Variants in SPTBN2 observed in about 807,000 individuals in gnomAD.
SPTBN2 encodes spectrin beta chain, non-erythrocytic 2.
A neutral mutation model predicts 284.2 loss-of-function variants in SPTBN2; 107 were observed. The observed-to-expected ratio is 0.38, with a 90% CI of 0.32 to 0.44. The LOEUF (loss-of-function observed/expected upper bound fraction) is 0.44, where lower values mean the gene tolerates loss of function less well. Among genes scored for constraint, SPTBN2 ranks in the 20% least tolerant of loss-of-function variants. SPTBN2 has a pLI of 1.00. For missense variants in SPTBN2, 2,569 were observed against 3,287.1 expected (o/e 0.78, Z 5.34); for synonymous variants, 1,289 against 1,354.8 (o/e 0.95, Z 1.07).
chr11:66,683,759 T>C lies in SPTBN2; in HGVS notation c.*2112A>G, dbSNP rs1266117255. Among the ~76,000 whole-genome samples the C allele has an allele frequency of 6.6e-6, 1 of 152,274 alleles. No homozygotes were observed. Among genetic ancestry groups the C allele is most frequent in the Admixed American group, 6.5e-5 (1 of 15,286 alleles). On this transcript the variant is annotated 3_prime_UTR_variant, in exon 38 of 38. Coordinates refer to ENST00000533211, the MANE Select transcript of SPTBN2 (RefSeq NM_006946.4). ...TATTAATTTCTCCATATACATTTCC[T>C]TCTGACATTTCCAATTATTGTTTCC... is the stretch of plus-strand genomic sequence containing the variant.
Position 66,700,538 on chromosome 11 carries a change from C to T in SPTBN2, c.3561G>A (p.Val1187=). 8 of 1,604,538 alleles carry T rather than the reference C, an allele frequency of 5.0e-6. No individual in the cohort carries two copies. The highest frequency in any genetic ancestry group is 1.7e-5 in the Admixed American group (1 of 60,018). The change falls in exon 17 of 38, where the codon GTG becomes GTA. Residue 1187 remains valine, a synonymous_variant. Transcript: ENST00000533211. The surrounding 1 kb of genome is among the most constrained non-coding windows in gnomAD (Gnocchi z 6.6). ...CCTGGACTTTCACCTGGCTGCTGAG[C>T]ACGCCCTCAGCCTGACGAGCATCCC... ...FLRDARQAEG[V]LSSQEYVLSH... is the part of the protein sequence containing the mutation.
chr11:66,686,168 G>T, intron 37 of SPTBN2, 64 bp from the exon 38 acceptor site: 1 of 1,514,730 alleles, frequency 6.6e-7, no homozygotes, highest in Non-Finnish European at 9.1e-7. Context: ...GCAGTGGACA[G>T]CAGGGAAGTG....
intron 1 of SPTBN2, among the ~76,000 whole-genome samples, chr11:66,726,771 G>A (rs1433628912): frequency 6.6e-6 from 1 of 152,182 alleles, no homozygotes; most frequent in Non-Finnish European, 1.5e-5. Context: ...ACAGTGAGAT[G>A]AATAATAGAT....
intron 1 of SPTBN2, among the ~76,000 whole-genome samples, chr11:66,723,678 T>A (rs1256886445): frequency 6.6e-6 from 1 of 152,224 alleles, no homozygotes; most frequent in African/African-American, 2.4e-5. Flanking sequence ...CTACGAGGCC[T>A]AGGACTCTTC....
Position 66,715,398 on chromosome 11 carries a change from G to A in SPTBN2, c.310-3C>T, listed in dbSNP as rs1942089988. On this transcript the variant is annotated splice_region_variant and splice_polypyrimidine_tract_variant and intron_variant, in intron 4 of 37. Transcript: ENST00000533211. This position sits in a 1 kb window ranked among gnomAD's most constrained non-coding sequence, Gnocchi z 5.3. Reference sequence around the variant, plus strand: ...ATGCGGCCCTTTGTAGGCTTTGGCTGTGGAGGGACGGGGGCAAAATGGCAC... The same window carrying A: ...ATGCGGCCCTTTGTAGGCTTTGGCTATGGAGGGACGGGGGCAAAATGGCAC... 1.2e-6 allele frequency: 2 copies of A among 1,608,782 alleles called. No individual in the cohort carries two copies. Among genetic ancestry groups the A allele is most frequent in the South Asian group, 1.1e-5 (1 of 90,780 alleles).
chr11:66,688,419 G>A lies in SPTBN2; in HGVS notation c.6232-108C>T, dbSNP rs1940301840. On this transcript the variant is annotated intron_variant, in intron 31 of 37. Transcript: ENST00000533211. The stretch of plus-strand genomic sequence containing the variant: ...TCTAATTTGATGAAATATGATAAGA[G>A]GAGAACAGAATTTGAGAAGATGGTG... 4 of 1,535,970 alleles carry A rather than the reference G, an allele frequency of 2.6e-6. No individual in the cohort carries two copies. The South Asian group carries it at 3.6e-5, about 14-fold the overall frequency.
Position 66,737,378 on chromosome 11 carries a change from G to A in SPTBN2, c.-475+7164C>T, listed in dbSNP as rs79781997. 6.0e-4 allele frequency among the ~76,000 whole-genome samples: 92 copies of A among 152,258 alleles called. 1 individual carries two copies. In the East Asian group the frequency reaches 0.014, roughly 24 times the overall value. On this transcript the variant is annotated intron_variant, in intron 1 of 37. Transcript: ENST00000611817. The stretch of plus-strand genomic sequence containing the variant: ...AACACAGCTAGCATACAAAGCACAG[G>A]ATATCTATAATACAATCATTCAGGC...
chr11:66,686,898 T>A, intron 36 of SPTBN2, 96 bp downstream of exon 36: 1 of 1,559,192 alleles, frequency 6.4e-7, no homozygotes, highest in East Asian at 2.2e-5. Flanking sequence ...CTCAGGCTCC[T>A]TACAGGAACT....
Position 66,693,936 on chromosome 11 carries a change from G to T in SPTBN2, c.4504-75C>A. On this transcript the variant is annotated intron_variant, in intron 22 of 37. Transcript: ENST00000533211. This position sits in a 1 kb window ranked among gnomAD's most constrained non-coding sequence, Gnocchi z 5.7. ...GCAGGGACTGATTAGTGGGAGTGGG[G>T]ACACCTGGGGCTACCGCCCTGTGTG... is the stretch of plus-strand genomic sequence containing the variant. 1 of 1,442,080 alleles carries T rather than the reference G, an allele frequency of 6.9e-7. No individual in the cohort carries two copies. The highest frequency in any genetic ancestry group is 9.6e-7 in the Non-Finnish European group (1 of 1,041,978). 89.3% of individuals were successfully genotyped at this position (1,442,080 alleles called of 1,614,324 possible). A position where few individuals can be genotyped will look rare whatever the true frequency, so the allele number is the denominator to read the frequency against.
rs922547110 is a variant in SPTBN2 at position 66,687,727 on chromosome 11, A to G, written c.6502-80T>C. Reference sequence around the variant, plus strand: ...GGTGCCAGGAAGCTCCGTGTCCAGGAGTTGGTCTTCCTGCCCCCAAGCTGC... The same window carrying G: ...GGTGCCAGGAAGCTCCGTGTCCAGGGGTTGGTCTTCCTGCCCCCAAGCTGC... On this transcript the variant is annotated intron_variant, in intron 34 of 37. Coordinates refer to ENST00000533211, the MANE Select transcript of SPTBN2 (RefSeq NM_006946.4). The surrounding 1 kb of genome is among the most constrained non-coding windows in gnomAD (Gnocchi z 5.2). The G allele has an allele frequency of 3.2e-6, 5 of 1,581,438 alleles. No individual in the cohort carries two copies. The highest frequency in any genetic ancestry group is 4.3e-6 in the Non-Finnish European group (5 of 1,156,688).
Position 66,692,433 on chromosome 11 carries a change from C to G in SPTBN2, c.5190+103G>C, listed in dbSNP as rs1940621947. Reference sequence around the variant, plus strand: ...AGTGCCTGCTCAGCCTGGTCTTGCCCCTTAGCCCCTCAGTGCTCTGCCTGG... The same window carrying G: ...AGTGCCTGCTCAGCCTGGTCTTGCCGCTTAGCCCCTCAGTGCTCTGCCTGG... On this transcript the variant is annotated intron_variant, in intron 26 of 37. Coordinates refer to ENST00000533211, the MANE Select transcript of SPTBN2 (RefSeq NM_006946.4). 2.8e-6 allele frequency: 4 copies of G among 1,417,714 alleles called. No individual in the cohort carries two copies. In the African/African-American group the frequency reaches 4.2e-5, roughly 15 times the overall value. The allele number at this position is 1,417,714 out of a possible 1,614,324, so 87.8% of individuals were successfully genotyped here.
chr11:66,686,956 T>G lies in SPTBN2; in HGVS notation c.6896+38A>C, dbSNP rs2135295206. On this transcript the variant is annotated intron_variant, in intron 36 of 37. Coordinates refer to ENST00000533211, the MANE Select transcript of SPTBN2 (RefSeq NM_006946.4). ...ATGGCTCACCTGTGTCACTCCCAAC[T>G]CTCCTCCCATCCCGAGAGCACTGTT... 2.5e-6 allele frequency: 4 copies of G among 1,612,208 alleles called. No individual in the cohort carries two copies. In the South Asian group the frequency reaches 4.4e-5, roughly 18 times the overall value.
intron 13 of SPTBN2, among the ~76,000 whole-genome samples, chr11:66,706,610 C>T (rs556175724): frequency 2.7e-5 from 4 of 150,172 alleles, no homozygotes; most frequent in African/African-American, 9.8e-5. Flanking sequence ...GGATTATAGG[C>T]GTGAGCCACC....
At chr11:66,731,552 C>A (rs561518551), upstream of SPTBN2, among the ~76,000 whole-genome samples, 2 of 152,324 alleles carry the variant, frequency 1.3e-5, no homozygotes, top group East Asian at 3.9e-4. Flanking sequence ...AAGATGGATT[C>A]TTCTGGCTCC....
At chr11:66,720,934 T>A in intron 3 of SPTBN2, 150 bp downstream of exon 3, 1 of 1,070,284 alleles carries the variant, frequency 9.3e-7, no homozygotes. Context: ...TTCTTGAGGC[T>A]GGATGTGGGG....
Position 66,691,404 on chromosome 11 carries a change from C to G in SPTBN2, c.5445G>C (p.Ala1815=), listed in dbSNP as rs781339625. ...GCTGCTGCTGCTTGTGCTGCACCCGCGCCAGGGCTTGGCGTGCCCCGTGCA... is the reference window on the plus strand; with the variant it reads ...GCTGCTGCTGCTTGTGCTGCACCCGGGCCAGGGCTTGGCGTGCCCCGTGCA... ...RFLHGARQAL[A]RVQHKQQQLP... Residue 1815 remains alanine (A), a synonymous_variant, in exon 27 of 38, where the codon GCG becomes GCC. Coordinates refer to ENST00000533211, the MANE Select transcript of SPTBN2 (RefSeq NM_006946.4). This position sits in a 1 kb window ranked among gnomAD's most constrained non-coding sequence, Gnocchi z 8.0. 6.2e-7 allele frequency: 1 copy of G among 1,610,822 alleles called. No individual in the cohort carries two copies. Among genetic ancestry groups the G allele is most frequent in the East Asian group, 2.2e-5 (1 of 44,772 alleles).
At chr11:66,689,253 CA>C in intron 29 of SPTBN2, 73 bp from the exon 30 acceptor site, 4 of 1,453,206 alleles carry the variant, frequency 2.8e-6, no homozygotes, top group Non-Finnish European at 3.8e-6. Flanking sequence ...GGGAGTCATC[CA>C]GGGGGACAGG....
Position 66,707,893 on chromosome 11 carries a change from C to A in SPTBN2, c.1351-75G>T. ...CTGCCTGCTCCTCTGTCCTGCAGGG[C>A]ACTTGGCCTGCAAGATCCCAGCTCC... On this transcript the variant is annotated intron_variant, in intron 12 of 37. Transcript: ENST00000533211. This position sits in a 1 kb window ranked among gnomAD's most constrained non-coding sequence, Gnocchi z 4.9. 3 of 1,559,678 alleles carry A rather than the reference C, an allele frequency of 1.9e-6. No homozygotes were observed. Among genetic ancestry groups the A allele is most frequent in the Non-Finnish European group, 1.7e-6 (2 of 1,152,562 alleles).
Position 66,705,212 on chromosome 11 carries a change from G to C in SPTBN2, c.2064C>G (p.Gly688=). ...GGGGCCCCAGCCGGCCGCTCATCTC[G>C]CCCCGCAGGGCTGTGTGCTTGTTGA... is the stretch of plus-strand genomic sequence containing the variant. The part of the protein sequence containing the change: ...RLLNKHTALR[G]EMSGRLGPLK... Residue 688 remains glycine, a synonymous_variant, in exon 15 of 38, where the codon GGC becomes GGG. Coordinates refer to ENST00000533211, the MANE Select transcript of SPTBN2 (RefSeq NM_006946.4). 6.5e-7 allele frequency: 1 copy of C among 1,541,712 alleles called. No homozygotes were observed. The highest frequency in any genetic ancestry group is 1.2e-5 in the South Asian group (1 of 85,126).
Sources: allele counts gnomAD v4.1 joint callset (sites outside exome capture counted in the v4.1 genomes callset), GRCh38; gene constraint gnomAD v4.1.1; non-coding constraint Gnocchi (gnomAD v3.1); transcripts MANE v1.5; gene names NCBI Gene and HGNC (gene_info 2026-07-23, HGNC 2026-07-21).